The following CACNA2D3 variants were observed in gnomAD, a reference collection of about 807,000 sequenced individuals.
CACNA2D3 encodes voltage-dependent calcium channel subunit alpha-2/delta-3.
Under a neutral mutation model 160.6 loss-of-function variants are expected in CACNA2D3, and 60 were observed. The observed-to-expected ratio is 0.37, with a 90% CI of 0.30 to 0.46. CACNA2D3 has a LOEUF of 0.46. CACNA2D3 is among the 20% of genes least tolerant of loss of function. The pLI, the probability that CACNA2D3 is intolerant of heterozygous loss-of-function variation, is 1.00. For synonymous variants in CACNA2D3, 558 were observed against 492.9 expected (o/e 1.13, Z -1.75); for missense variants, 1,205 against 1,365.0 (o/e 0.88, Z 1.85).
intron 4 of CACNA2D3, among the ~76,000 whole-genome samples, chr3:54,442,714 A>C (rs919417584): frequency 1.3e-5 from 2 of 152,178 alleles, no homozygotes; most frequent in African/African-American, 4.8e-5. Flanking sequence ...GTAGTTCCCT[A>C]AGTCAGCCTT....
intron 10 of CACNA2D3, chr3:54,632,224 G>A (rs1699255411): frequency 6.6e-6 from 1 of 152,208 alleles, no homozygotes; most frequent in Non-Finnish European, 1.5e-5. Flanking sequence ...AGAAAGTACT[G>A]TTTTTAAATA....
chr3:54,471,478 C>A (rs768828879), intron 4 of CACNA2D3, among the ~76,000 whole-genome samples: 2 of 152,072 alleles, frequency 1.3e-5, no homozygotes, highest in Non-Finnish European at 2.9e-5. Context: ...ACCCTAACAT[C>A]ACAATAAAAA....
chr3:54,331,537 A>G (rs1704255344), intron 3 of CACNA2D3, among the ~76,000 whole-genome samples: 1 of 152,226 alleles, frequency 6.6e-6, no homozygotes, highest in African/African-American at 2.4e-5. Context: ...CATCATGATC[A>G]TCACATTACT....
intron 4 of CACNA2D3, among the ~76,000 whole-genome samples, chr3:54,441,052 G>A (rs972105906): frequency 5.9e-5 from 9 of 152,018 alleles, no homozygotes; most frequent in Non-Finnish European, 1.2e-4. Context: ...GATCCCTGAG[G>A]AATCGCCACA....
chr3:54,648,279 A>G (rs1699692709), intron 11 of CACNA2D3, among the ~76,000 whole-genome samples: 1 of 152,248 alleles, frequency 6.6e-6, no homozygotes, highest in Admixed American at 6.5e-5. Context: ...TGAGAACATT[A>G]TATAGAATTC....
At chr3:54,974,283 T>G (rs1702335459) in intron 29 of CACNA2D3, among the ~76,000 whole-genome samples, 1 of 152,240 alleles carries the variant, frequency 6.6e-6, no homozygotes, top group South Asian at 2.1e-4. Flanking sequence ...CTAGGTACTA[T>G]GCTCAGTACT....
chr3:54,985,736 G>T (rs1292579730), intron 30 of CACNA2D3, among the ~76,000 whole-genome samples: 1 of 152,200 alleles, frequency 6.6e-6, no homozygotes, highest in Non-Finnish European at 1.5e-5. Context: ...TTGTCCTTAA[G>T]TGTGGCTTCT....
At chr3:54,958,930 C>A (rs540700195) in intron 27 of CACNA2D3, among the ~76,000 whole-genome samples, 7 of 152,232 alleles carry the variant, frequency 4.6e-5, no homozygotes, top group African/African-American at 1.7e-4. Flanking sequence ...ATGGCAAAAC[C>A]CTGTCTCTAC....
intron 12 of CACNA2D3, 141 bp from the exon 13 acceptor site, chr3:54,764,077 A>G (rs944849382): frequency 1.2e-6 from 1 of 858,574 alleles, no homozygotes; most frequent in African/African-American, 1.7e-5. Context: ...CGTTGAAAAG[A>G]AAAATGGGGG....
chr3:54,147,192 T>G (rs973828234), intron 2 of CACNA2D3, among the ~76,000 whole-genome samples: 1 of 152,220 alleles, frequency 6.6e-6, no homozygotes, highest in African/African-American at 2.4e-5. Flanking sequence ...CACTTGGGTG[T>G]GTGGCTTTGC....
intron 3 of CACNA2D3, among the ~76,000 whole-genome samples, chr3:54,372,978 T>C (rs189266481): frequency 1.5e-4 from 23 of 152,350 alleles, no homozygotes; most frequent in African/African-American, 5.1e-4. Flanking sequence ...AGGCCCTTGT[T>C]TGACCCAGCC....
At position 54,311,630 on chromosome 3, in the gene CACNA2D3, C is replaced by T. The variant is rs534110596; in HGVS notation, c.205-8812C>T. On this transcript the variant is annotated intron_variant, in intron 2 of 37. Coordinates refer to ENST00000474759, the MANE Select transcript of CACNA2D3 (RefSeq NM_018398.3). ...CTCCAGAGGAGGCACACAGACCAGC[C>T]GTGCAGGATACGAGGGTGCAAGTTT... Among the ~76,000 whole-genome samples, 9 of 152,254 alleles carry T rather than the reference C, an allele frequency of 5.9e-5. No individual in the cohort carries two copies. In the South Asian group the frequency reaches 1.2e-3, roughly 21 times the overall value.
chr3:54,764,051 C>T (rs972578882), intron 12 of CACNA2D3, among the ~76,000 whole-genome samples, 167 bp from the exon 13 acceptor site: 7 of 150,450 alleles, frequency 4.7e-5, no homozygotes, highest in South Asian at 2.1e-4. Flanking sequence ...AGTGGGTGAT[C>T]GGGGAGAGGA....
intron 11 of CACNA2D3, among the ~76,000 whole-genome samples, chr3:54,711,468 G>C (rs1700950362): frequency 6.6e-6 from 1 of 152,198 alleles, no homozygotes; most frequent in Admixed American, 6.5e-5. Context: ...GCAGCAGTTT[G>C]AGGAGACACC....
At chr3:54,534,733 G>A (rs1701860677) in intron 5 of CACNA2D3, among the ~76,000 whole-genome samples, 2 of 151,260 alleles carry the variant, frequency 1.3e-5, no homozygotes, top group African/African-American at 4.9e-5. Context: ...GAGCAGCCTG[G>A]CCAACATGAC....
chr3:54,437,894 T>C (rs988181453), intron 4 of CACNA2D3, among the ~76,000 whole-genome samples: 5 of 152,104 alleles, frequency 3.3e-5, no homozygotes, highest in Admixed American at 1.3e-4. Context: ...GTGTTTGCAG[T>C]TGGTGCACTG....
Position 54,425,586 on chromosome 3 carries a change from C to A in CACNA2D3, c.381+38812C>A, listed in dbSNP as rs111290421. The stretch of plus-strand genomic sequence containing the variant: ...CTCTCCAACCCTCAGCTCTACCCCA[C>A]CTGAACACCTGAGGATACCAGAAAT... On this transcript the variant is annotated intron_variant, in intron 4 of 37. Transcript: ENST00000474759. Among the ~76,000 whole-genome samples, 294 of 152,358 alleles carry A rather than the reference C, an allele frequency of 1.9e-3. 1 individual carries two copies. The highest frequency in any genetic ancestry group is 3.4e-3 in the Non-Finnish European group (232 of 68,036).
chr3:55,012,940 G>C (rs1274504769), intron 34 of CACNA2D3, among the ~76,000 whole-genome samples: 1 of 152,024 alleles, frequency 6.6e-6, no homozygotes. Context: ...ACCAAAAGTG[G>C]TCCAATTTTT....
chr3:54,177,150 A>G (rs905159930), intron 2 of CACNA2D3, among the ~76,000 whole-genome samples: 4 of 152,212 alleles, frequency 2.6e-5, no homozygotes, highest in Non-Finnish European at 5.9e-5. Context: ...TATCTGCTCC[A>G]CAGCATGAGT....
Sources: allele counts gnomAD v4.1 joint callset (sites outside exome capture counted in the v4.1 genomes callset), GRCh38; gene constraint gnomAD v4.1.1; transcripts MANE v1.5; gene names NCBI Gene and HGNC (gene_info 2026-07-23, HGNC 2026-07-21).